MINDY2: variants seen among roughly 807,000 people sequenced by gnomAD.
MINDY2 encodes MINDY lysine 48 deubiquitinase 2.
A neutral mutation model predicts 68.2 loss-of-function variants in MINDY2; 52 were observed. The observed-to-expected ratio is 0.76, with a 90% CI of 0.61 to 0.96. The LOEUF (loss-of-function observed/expected upper bound fraction) is 0.96, where lower values mean the gene tolerates loss of function less well. Among genes scored for constraint, MINDY2 ranks in the 40% least tolerant of loss-of-function variants. The probability of loss-of-function intolerance (pLI) is 0.00; values close to 1 mark genes in which losing one functional copy is unlikely to be tolerated. For missense variants in MINDY2, 881 were observed against 773.4 expected (o/e 1.14, Z -1.65); for synonymous variants, 372 against 303.0 (o/e 1.23, Z -2.36).
intron 5 of MINDY2, among the ~76,000 whole-genome samples, chr15:58,823,293 T>C (rs1176647083): frequency 6.6e-6 from 1 of 151,880 alleles, no homozygotes; most frequent in East Asian, 1.9e-4. Context: ...ATGCAATAAT[T>C]TTGTATTTTT....
intron 1 of MINDY2, among the ~76,000 whole-genome samples, chr15:58,781,507 C>T (rs1423100359): frequency 6.6e-6 from 1 of 152,190 alleles, no homozygotes; most frequent in Non-Finnish European, 1.5e-5. Flanking sequence ...CTTGGTCTTA[C>T]TCTGAGGATA....
intron 5 of MINDY2, among the ~76,000 whole-genome samples, chr15:58,825,001 C>T (rs2031303034): frequency 6.6e-6 from 1 of 152,088 alleles, no homozygotes; most frequent in Non-Finnish European, 1.5e-5. Context: ...GAGTGGTGTT[C>T]AGTTAAAGTA....
intron 1 of MINDY2, among the ~76,000 whole-genome samples, chr15:58,776,594 T>C (rs924257281): frequency 2.0e-5 from 3 of 152,190 alleles, no homozygotes; most frequent in African/African-American, 7.2e-5. Flanking sequence ...ATGACAGGTG[T>C]AGGGACAAGG....
chr15:58,803,464 C>G (rs1359751225), intron 3 of MINDY2, among the ~76,000 whole-genome samples: 1 of 142,644 alleles, frequency 7.0e-6, no homozygotes, highest in Non-Finnish European at 1.5e-5. Context: ...AAGACTCTGT[C>G]TCATAAAAAA....
rs1205399993 is a variant in MINDY2 at position 58,857,533 on chromosome 15, C to CAAAAAAAAAAA, written c.*2935_*2945dup. The CAAAAAAAAAAA allele has an allele frequency of 2.3e-5, 2 of 88,742 alleles. No homozygotes were observed. Among genetic ancestry groups the CAAAAAAAAAAA allele is most frequent in the African/African-American group, 4.3e-5 (1 of 23,320 alleles). The allele number at this position is 88,742 out of a possible 1,614,324, so 5.5% of individuals were successfully genotyped here. ...TGGGCAATAGAGCGAGACTCCGTCTCAAAAAAAAAAAAAAAAAAAAAATTA... is the reference window on the plus strand; with the variant it reads ...TGGGCAATAGAGCGAGACTCCGTCTCAAAAAAAAAAAAAAAAAAAAAAAAAAAAAAAAATTA... On this transcript the variant is annotated 3_prime_UTR_variant, in exon 9 of 9. Transcript: ENST00000559228.
chr15:58,831,035 G>GTA lies in MINDY2; in HGVS notation c.1226-738_1226-737insAT, dbSNP rs1230717668. On this transcript the variant is annotated intron_variant, in intron 5 of 8. Coordinates refer to ENST00000559228, the MANE Select transcript of MINDY2 (RefSeq NM_001040450.3). The stretch of plus-strand genomic sequence containing the variant: ...ATCAGTTGTGTGTGTGTGTGTGTGT[G>GTA]TGTGTGTATATATATATATATATAT... Among the ~76,000 whole-genome samples, 41 of 99,052 alleles carry GTA rather than the reference G, an allele frequency of 4.1e-4. No individual in the cohort carries two copies. In the East Asian group the frequency reaches 7.1e-3, roughly 17 times the overall value. 65.0% of individuals were successfully genotyped at this position (99,052 alleles called of 152,430 possible).
Position 58,854,688 on chromosome 15 carries a change from A to G in MINDY2, c.*78A>G. 2.0e-6 allele frequency: 3 copies of G among 1,486,434 alleles called. No homozygotes were observed. Among genetic ancestry groups the G allele is most frequent in the Non-Finnish European group, 2.7e-6 (3 of 1,114,270 alleles). 92.1% of individuals were successfully genotyped at this position (1,486,434 alleles called of 1,614,324 possible). On this transcript the variant is annotated 3_prime_UTR_variant, in exon 9 of 9. Coordinates refer to ENST00000559228, the MANE Select transcript of MINDY2 (RefSeq NM_001040450.3). Reference sequence around the variant, plus strand: ...AGGAGGAAAGGAAGAAAAACCGATCAATACCGTCTGTGCCTGATTTCCTAA... The same window carrying G: ...AGGAGGAAAGGAAGAAAAACCGATCGATACCGTCTGTGCCTGATTTCCTAA...
intron 3 of MINDY2, among the ~76,000 whole-genome samples, chr15:58,806,797 A>G (rs2140965811): frequency 6.6e-6 from 1 of 152,318 alleles, no homozygotes; most frequent in East Asian, 1.9e-4. Context: ...CTGTAGATTT[A>G]AGAAAAGTTC....
chr15:58,822,904 C>T (rs1188428105), intron 5 of MINDY2, among the ~76,000 whole-genome samples: 2 of 151,972 alleles, frequency 1.3e-5, no homozygotes, highest in East Asian at 3.9e-4. Context: ...AATTATTTTA[C>T]ATAAGATATA....
intron 4 of MINDY2, among the ~76,000 whole-genome samples, chr15:58,812,499 A>G (rs948349113): frequency 9.9e-5 from 15 of 152,118 alleles, no homozygotes; most frequent in African/African-American, 3.6e-4. Flanking sequence ...GTTTTCCCCA[A>G]TGGGAAAATT....
chr15:58,837,457 C>T (rs763477345), intron 6 of MINDY2, among the ~76,000 whole-genome samples: 11 of 150,672 alleles, frequency 7.3e-5, no homozygotes, highest in South Asian at 6.3e-4. Flanking sequence ...CCTATAGTCC[C>T]AGTTACTAGG....
intron 3 of MINDY2, among the ~76,000 whole-genome samples, chr15:58,808,859 C>T (rs542016199): frequency 6.6e-6 from 1 of 152,334 alleles, no homozygotes; most frequent in East Asian, 1.9e-4. Flanking sequence ...CCGCCTCAGC[C>T]TCCCAAAGTG....
intron 4 of MINDY2, among the ~76,000 whole-genome samples, chr15:58,814,613 A>C (rs1468735320): frequency 8.0e-6 from 1 of 124,892 alleles, no homozygotes; most frequent in African/African-American, 3.4e-5. Context: ...TCCTGGGCTC[A>C]AACCCTCCTC....
chr15:58,818,991 G>A (rs1363894417), intron 4 of MINDY2, among the ~76,000 whole-genome samples: 2 of 151,892 alleles, frequency 1.3e-5, no homozygotes, highest in Non-Finnish European at 2.9e-5. Flanking sequence ...GTTTTGTTTT[G>A]TTTTAGAGAC....
At chr15:58,854,010 C>G (rs1281058495) in intron 8 of MINDY2, among the ~76,000 whole-genome samples, 1 of 151,752 alleles carries the variant, frequency 6.6e-6, no homozygotes, top group African/African-American at 2.4e-5. Context: ...TTTGGGAGGC[C>G]AAGGTGGGCG....
intron 1 of MINDY2, among the ~76,000 whole-genome samples, chr15:58,782,347 C>T (rs963813383): frequency 6.6e-6 from 1 of 152,118 alleles, no homozygotes; most frequent in Non-Finnish European, 1.5e-5. Flanking sequence ...GTCCATTTTG[C>T]CTTACATAAG....
Position 58,851,783 on chromosome 15 carries a change from G to T in MINDY2, c.1555G>T (p.Ala519Ser), listed in dbSNP as rs772804002. ...QDQIDQDYLM[A>S]LSLQQEQQSQ... ...TTTAATTTATTAGGATTATCTTATG[G>T]CATTATCTCTACAACAAGAACAGCA... The change falls in exon 8 of 9, where the codon GCA (alanine) becomes TCA (serine). Residue 519 changes from alanine to serine, a missense_variant. Ala to Ser is a moderately conservative substitution (Grantham distance 99). Coordinates refer to ENST00000559228, the MANE Select transcript of MINDY2 (RefSeq NM_001040450.3). The T allele has an allele frequency of 2.5e-6, 4 of 1,583,510 alleles. No individual in the cohort carries two copies. Among genetic ancestry groups the T allele is most frequent in the African/African-American group, 2.8e-5 (2 of 72,590 alleles).
intron 1 of MINDY2, among the ~76,000 whole-genome samples, chr15:58,784,691 C>T (rs1222613052): frequency 6.8e-6 from 1 of 147,694 alleles, no homozygotes; most frequent in Non-Finnish European, 1.5e-5. Context: ...ATGATAGCGG[C>T]TCACTTCAGC....
chr15:58,823,646 C>T (rs951114045), intron 5 of MINDY2, among the ~76,000 whole-genome samples: 27 of 150,858 alleles, frequency 1.8e-4, no homozygotes, highest in African/African-American at 6.1e-4. Flanking sequence ...GCCTGGGCAA[C>T]AGAACAGAAT....
Sources: allele counts gnomAD v4.1 joint callset (sites outside exome capture counted in the v4.1 genomes callset), GRCh38; gene constraint gnomAD v4.1.1; transcripts MANE v1.5; gene names NCBI Gene and HGNC (gene_info 2026-07-23, HGNC 2026-07-21).